The following MAGI2 variants were observed in gnomAD, a reference collection of about 807,000 sequenced individuals.
MAGI2 encodes the protein membrane associated guanylate kinase, WW and PDZ domain containing 2.
A neutral mutation model predicts 133.3 loss-of-function variants in MAGI2; 35 were observed. That is an observed-to-expected ratio of 0.26 (90% CI 0.20 to 0.35). The LOEUF (loss-of-function observed/expected upper bound fraction) is 0.35, where lower values mean the gene tolerates loss of function less well. Ranked by LOEUF, MAGI2 falls within the 10% of genes least tolerant of loss-of-function variation. The pLI, the probability that MAGI2 is intolerant of heterozygous loss-of-function variation, is 1.00. For missense variants in MAGI2, 1,636 were observed against 1,863.4 expected (o/e 0.88, Z 2.25); for synonymous variants, 729 against 710.6 (o/e 1.03, Z -0.41).
chr7:78,535,080 C>T (rs374148701), intron 3 of MAGI2, among the ~76,000 whole-genome samples: 324 of 152,080 alleles, frequency 2.1e-3, no homozygotes, highest in African/African-American at 7.3e-3. Context: ...TGCAGTGAGC[C>T]GAGATCGCAC....
chr7:79,113,124 C>T (rs1334276387), intron 1 of MAGI2, among the ~76,000 whole-genome samples: 1 of 152,150 alleles, frequency 6.6e-6, no homozygotes, highest in Non-Finnish European at 1.5e-5. Flanking sequence ...ATCTTTTGTG[C>T]TTTCAATGTT....
chr7:79,216,041 C>T (rs1054352879), intron 1 of MAGI2, among the ~76,000 whole-genome samples: 7 of 151,862 alleles, frequency 4.6e-5, no homozygotes, highest in Admixed American at 6.6e-5. Flanking sequence ...CCTGTTTTCA[C>T]GCCCAAATGT....
rs113587817 is a variant in MAGI2 at position 78,246,491 on chromosome 7, G to A, written c.2047+9452C>T. 5.2e-3 allele frequency among the ~76,000 whole-genome samples: 796 copies of A among 152,192 alleles called. 12 individuals are homozygous for A. The highest frequency in any genetic ancestry group is 0.018 in the African/African-American group (755 of 41,522). On this transcript the variant is annotated intron_variant, in intron 10 of 21. Transcript: ENST00000354212. ...TGGGCTGAGACACCCTGGCCCGCACGCAAAACAACTAGTACCCTCCTTCCC... is the reference window on the plus strand; with the variant it reads ...TGGGCTGAGACACCCTGGCCCGCACACAAAACAACTAGTACCCTCCTTCCC...
At chr7:79,196,813 G>A (rs1348188844) in intron 1 of MAGI2, among the ~76,000 whole-genome samples, 1 of 151,892 alleles carries the variant, frequency 6.6e-6, no homozygotes, top group African/African-American at 2.4e-5. Flanking sequence ...TGTCAGCCAG[G>A]CTGGAGTGCA....
chr7:78,507,975 G>T (rs1795235681), intron 4 of MAGI2, among the ~76,000 whole-genome samples: 2 of 152,158 alleles, frequency 1.3e-5, no homozygotes, highest in African/African-American at 4.8e-5. Flanking sequence ...TCAAGGCGTT[G>T]GCAGGGCCAG....
intron 6 of MAGI2, among the ~76,000 whole-genome samples, chr7:78,430,775 C>T (rs891028902): frequency 6.6e-6 from 1 of 152,032 alleles, no homozygotes; most frequent in African/African-American, 2.4e-5. Context: ...GTCTTGAAAT[C>T]TTTAGGCCTT....
intron 10 of MAGI2, among the ~76,000 whole-genome samples, chr7:78,236,762 A>G (rs374778029): frequency 2.6e-5 from 4 of 152,188 alleles, no homozygotes; most frequent in African/African-American, 7.2e-5. Flanking sequence ...TATCCTGTGT[A>G]TTAGTCTGTT....
At chr7:78,282,048 A>ACAAT (rs1448031669) in intron 9 of MAGI2, among the ~76,000 whole-genome samples, 2 of 152,182 alleles carry the variant, frequency 1.3e-5, no homozygotes, top group African/African-American at 2.4e-5. Context: ...TGCCTTTGCA[A>ACAAT]CAATCACTTC....
intron 7 of MAGI2, among the ~76,000 whole-genome samples, chr7:78,347,486 G>A (rs926989066): frequency 6.6e-6 from 1 of 152,216 alleles, no homozygotes; most frequent in African/African-American, 2.4e-5. Flanking sequence ...CTGAGTCTTA[G>A]TGTCTTAATC....
intron 1 of MAGI2, among the ~76,000 whole-genome samples, chr7:79,253,114 A>G (rs1204593786): frequency 2.0e-5 from 3 of 152,232 alleles, no homozygotes; most frequent in African/African-American, 7.2e-5. Flanking sequence ...TGTTGGAAGA[A>G]TAAGTGAAGC....
At chr7:78,734,837 T>C (rs979007033) in intron 2 of MAGI2, among the ~76,000 whole-genome samples, 3 of 152,166 alleles carry the variant, frequency 2.0e-5, no homozygotes, top group Non-Finnish European at 4.4e-5. Context: ...GGTCAGTGAG[T>C]GATCCCAGGA....
At chr7:78,737,085 C>A (rs1821929726) in intron 2 of MAGI2, among the ~76,000 whole-genome samples, 1 of 152,080 alleles carries the variant, frequency 6.6e-6, no homozygotes, top group Non-Finnish European at 1.5e-5. Context: ...ATAAAGTAAA[C>A]CTGACATTTC....
At chr7:79,287,300 C>A (rs947655278) in intron 1 of MAGI2, among the ~76,000 whole-genome samples, 6 of 152,052 alleles carry the variant, frequency 3.9e-5, no homozygotes, top group African/African-American at 1.4e-4. Flanking sequence ...ATATGTTTCC[C>A]TCCGCAGGGC....
At chr7:79,241,351 T>C (rs914838859) in intron 1 of MAGI2, among the ~76,000 whole-genome samples, 1 of 152,218 alleles carries the variant, frequency 6.6e-6, no homozygotes, top group Non-Finnish European at 1.5e-5. Context: ...TTATAAAGAT[T>C]ATAACAGTGA....
intron 11 of MAGI2, among the ~76,000 whole-genome samples, chr7:78,199,221 A>G (rs1213776388): frequency 6.6e-6 from 1 of 152,198 alleles, no homozygotes; most frequent in Non-Finnish European, 1.5e-5. Flanking sequence ...GAGAGGCCCA[A>G]TAAGGGCCAC....
chr7:78,126,113 A>G (rs1488660341), intron 19 of MAGI2, among the ~76,000 whole-genome samples: 1 of 152,056 alleles, frequency 6.6e-6, no homozygotes, highest in Non-Finnish European at 1.5e-5. Flanking sequence ...ACGTGGAATG[A>G]TTACAGATAG....
chr7:78,424,392 G>T (rs1474090716), intron 6 of MAGI2, among the ~76,000 whole-genome samples: 1 of 152,184 alleles, frequency 6.6e-6, no homozygotes, highest in East Asian at 1.9e-4. Context: ...TTTGCTGCAG[G>T]GGTGGGGCCT....
intron 2 of MAGI2, among the ~76,000 whole-genome samples, chr7:78,718,357 C>T (rs1819926191): frequency 6.6e-6 from 1 of 152,140 alleles, no homozygotes; most frequent in African/African-American, 2.4e-5. Flanking sequence ...GGGCCATGGA[C>T]TGGTACCATC....
chr7:78,513,629 C>A (rs1584460245), intron 4 of MAGI2, among the ~76,000 whole-genome samples: 1 of 152,166 alleles, frequency 6.6e-6, no homozygotes, highest in African/African-American at 2.4e-5. Flanking sequence ...ATTCCATGGG[C>A]TTTCTGTAAC....
Sources: allele counts gnomAD v4.1 joint callset (sites outside exome capture counted in the v4.1 genomes callset), GRCh38; gene constraint gnomAD v4.1.1; transcripts MANE v1.5; gene names NCBI Gene and HGNC (gene_info 2026-07-23, HGNC 2026-07-21).